The following ATP13A3 variants were observed in gnomAD, a reference collection of about 807,000 sequenced individuals.
ATP13A3 encodes the protein polyamine-transporting ATPase 13A3.
ATP13A3 carries 59 observed loss-of-function variants against 158.1 expected under a neutral mutation model. The ratio of observed to expected loss-of-function variants is 0.37; its 90% CI spans 0.30 to 0.46. The LOEUF (loss-of-function observed/expected upper bound fraction) is 0.46, where lower values mean the gene tolerates loss of function less well. ATP13A3 is among the 20% of genes least tolerant of loss of function. ATP13A3 has a pLI of 1.00. For missense variants in ATP13A3, 1,166 were observed against 1,525.2 expected, an observed-to-expected ratio of 0.76 and a Z score of 3.92; for synonymous variants, 491 against 504.3, an observed-to-expected ratio of 0.97 and a Z score of 0.35.
At chr3:194,473,388 GAAC>G (rs1216450227) in intron 2 of ATP13A3, among the ~76,000 whole-genome samples, 1 of 151,182 alleles carries the variant, frequency 6.6e-6, no homozygotes, top group Non-Finnish European at 1.5e-5. Context: ...GCAAGGAAGA[GAAC>G]AATAACAAAG....
At chr3:194,407,063 T>C (rs1457710809) in intron 33 of ATP13A3, among the ~76,000 whole-genome samples, 1 of 152,184 alleles carries the variant, frequency 6.6e-6, no homozygotes, top group Non-Finnish European at 1.5e-5. Context: ...GGTTAATGCA[T>C]AGAAATGTAA....
chr3:194,427,264 AG>A lies in ATP13A3; in HGVS notation c.2948-13del. ...AGGATTTAAACTCACTATATTGAAAAGAAAAAGAGGAAAGGTTTGTATTTAC... is the reference window on the plus strand; with the variant it reads ...AGGATTTAAACTCACTATATTGAAAAAAAAAGAGGAAAGGTTTGTATTTAC... On this transcript the variant is annotated splice_polypyrimidine_tract_variant and intron_variant, in intron 28 of 33. Coordinates refer to ENST00000645319, the MANE Select transcript of ATP13A3 (RefSeq NM_001367549.1). The A allele has an allele frequency of 6.3e-7, 1 of 1,581,182 alleles. No homozygotes were observed. The highest frequency in any genetic ancestry group is 8.5e-7 in the Non-Finnish European group (1 of 1,169,608).
At position 194,453,628 on chromosome 3, in the gene ATP13A3, T is replaced by A. The variant is rs1718981599; in HGVS notation, c.838+78A>T. On this transcript the variant is annotated intron_variant, in intron 10 of 33. Transcript: ENST00000645319. ...AATCAATCAAAGAATGTATATGTAT[T>A]ATACTTTGGGCTTACTTCACACATT... is the stretch of plus-strand genomic sequence containing the variant. The A allele has an allele frequency of 7.5e-5, 82 of 1,099,450 alleles. No individual in the cohort carries two copies. The South Asian group carries it at 1.1e-3, about 14-fold the overall frequency. The allele number at this position is 1,099,450 out of a possible 1,614,324, so 68.1% of individuals were successfully genotyped here.
chr3:194,429,348 G>A (rs866348554), intron 27 of ATP13A3, among the ~76,000 whole-genome samples: 4 of 152,090 alleles, frequency 2.6e-5, no homozygotes, highest in African/African-American at 9.7e-5. Context: ...TTCTACAAAC[G>A]GTCAAATGGG....
chr3:194,438,050 C>A (rs757232961), intron 17 of ATP13A3, among the ~76,000 whole-genome samples: 6 of 152,152 alleles, frequency 3.9e-5, no homozygotes, highest in Non-Finnish European at 7.3e-5. Flanking sequence ...ATACCAGCTC[C>A]TCAGGAGGCT....
At chr3:194,428,238 G>GAAAAAAC in intron 28 of ATP13A3, among the ~76,000 whole-genome samples, 1 of 113,914 alleles carries the variant, frequency 8.8e-6, no homozygotes, top group African/African-American at 4.2e-5. Context: ...AAAAAAAAAA[G>GAAAAAAC]AAAAAAAGAA....
intron 3 of ATP13A3, among the ~76,000 whole-genome samples, chr3:194,461,110 T>A (rs1719627324): frequency 6.6e-6 from 1 of 152,236 alleles, no homozygotes; most frequent in South Asian, 2.1e-4. Flanking sequence ...TCATATTTAG[T>A]ACACTTCCCT....
intron 2 of ATP13A3, among the ~76,000 whole-genome samples, chr3:194,483,054 C>T (rs34802693): frequency 0.37 from 55,461 of 150,086 alleles, 14,162 homozygotes; most frequent in African/African-American, 0.74. Flanking sequence ...TTGCAGTGAG[C>T]GGAGATCGCG....
At chr3:194,482,486 A>T (rs1407460501) in intron 2 of ATP13A3, among the ~76,000 whole-genome samples, 1 of 152,140 alleles carries the variant, frequency 6.6e-6, no homozygotes, top group South Asian at 2.1e-4. Context: ...ACAAATATCT[A>T]CTTTTCTCCA....
intron 21 of ATP13A3, 80 bp from the exon 22 acceptor site, chr3:194,431,972 A>T: frequency 8.5e-7 from 1 of 1,178,480 alleles, no homozygotes; most frequent in Non-Finnish European, 1.1e-6. Context: ...CTGAGAATCT[A>T]CTACAGTCTC....
In ATP13A3 at chr3:194,432,840, C is replaced by A. The variant is rs560698941; in HGVS notation, c.2245+932G>T. ...TAAGAAAAAAAAACAAAAAACAGAG[C>A]TACCACAATTTCACACAGCTAATGA... is the stretch of plus-strand genomic sequence containing the variant. On this transcript the variant is annotated intron_variant, in intron 21 of 33. Coordinates refer to ENST00000645319, the MANE Select transcript of ATP13A3 (RefSeq NM_001367549.1). Among the ~76,000 whole-genome samples, 15 of 151,984 alleles carry A rather than the reference C, an allele frequency of 9.9e-5. No individual in the cohort carries two copies. The South Asian group carries it at 2.5e-3, about 25-fold the overall frequency.
upstream of ATP13A3, chr3:194,488,384 CT>C (rs977223283): frequency 6.6e-6 from 1 of 152,262 alleles, no homozygotes; most frequent in Non-Finnish European, 1.5e-5. This position sits in a 1 kb window ranked among gnomAD's most constrained non-coding sequence, Gnocchi z 4.1. Context: ...TCTCCAAGTC[CT>C]AAAAACAAAA....
At chr3:194,440,998 T>C (rs576001083) in intron 16 of ATP13A3, among the ~76,000 whole-genome samples, 2 of 152,300 alleles carry the variant, frequency 1.3e-5, no homozygotes, top group South Asian at 2.1e-4. Flanking sequence ...ATTGTGTCAG[T>C]TGAGATCATC....
At chr3:194,427,701 A>T in intron 28 of ATP13A3, among the ~76,000 whole-genome samples, 1 of 151,328 alleles carries the variant, frequency 6.6e-6, no homozygotes, top group Admixed American at 6.6e-5. Flanking sequence ...ATTAAAAAAT[A>T]GTAAAACTAA....
At chr3:194,482,032 T>G (rs1720773128) in intron 2 of ATP13A3, among the ~76,000 whole-genome samples, 2 of 152,362 alleles carry the variant, frequency 1.3e-5, no homozygotes, top group South Asian at 4.1e-4. Context: ...CATAGTTCCC[T>G]CTAGAGAATC....
intron 17 of ATP13A3, among the ~76,000 whole-genome samples, chr3:194,437,886 G>A (rs968200290): frequency 3.3e-5 from 5 of 152,204 alleles, no homozygotes; most frequent in South Asian, 4.1e-4. Flanking sequence ...CTGGCTGGGC[G>A]CAGTGGCTCA....
chr3:194,422,607 A>G (rs906059245), intron 30 of ATP13A3, among the ~76,000 whole-genome samples: 34 of 152,196 alleles, frequency 2.2e-4, no homozygotes, highest in Non-Finnish European at 2.6e-4. Context: ...TGAAGTTATT[A>G]TGAAATATTT....
In ATP13A3 at chr3:194,403,653, T is replaced by C. The variant is rs972821009; in HGVS notation, c.*2266A>G. 6.5e-6 allele frequency: 1 copy of C among 153,222 alleles called. No individual in the cohort carries two copies. Among genetic ancestry groups the C allele is most frequent in the Non-Finnish European group, 1.5e-5 (1 of 68,774 alleles). The allele number at this position is 153,222 out of a possible 1,614,324, so 9.5% of individuals were successfully genotyped here. A position where few individuals can be genotyped will look rare whatever the true frequency, so the allele number is the denominator to read the frequency against. ...TTAGGTCTGTATAAACTCAAATAATTTAATGTGAAATTCAGAATCAAAATT... is the reference window on the plus strand; with the variant it reads ...TTAGGTCTGTATAAACTCAAATAATCTAATGTGAAATTCAGAATCAAAATT... On this transcript the variant is annotated 3_prime_UTR_variant, in exon 34 of 34. Transcript: ENST00000645319.
At chr3:194,456,120 A>T (rs1405072897) in intron 7 of ATP13A3, among the ~76,000 whole-genome samples, 158 bp from the exon 8 acceptor site, 3 of 152,124 alleles carry the variant, frequency 2.0e-5, no homozygotes, top group African/African-American at 7.2e-5. Flanking sequence ...ACAGAATTTA[A>T]AACAAAGAAG....
Sources: gnomAD v4.1 joint callset for allele counts (sites outside exome capture counted in the v4.1 genomes callset) on GRCh38, gnomAD v4.1.1 for gene constraint, Gnocchi (gnomAD v3.1) non-coding constraint, MANE v1.5 for transcripts, NCBI Gene and HGNC (gene_info 2026-07-23, HGNC 2026-07-21) for gene names.